The following CLTC variants were observed in gnomAD, a reference collection of about 807,000 sequenced individuals.
CLTC encodes the protein clathrin heavy chain 1.
In CLTC, 16 loss-of-function variants were observed where a neutral mutation model predicts 195.8. The observed-to-expected ratio is 0.08, with a 90% CI of 0.06 to 0.12. CLTC has a LOEUF of 0.12. CLTC is among the 10% of genes least tolerant of loss of function. The probability of loss-of-function intolerance (pLI) is 1.00; values close to 1 mark genes in which losing one functional copy is unlikely to be tolerated. For synonymous variants in CLTC, 667 were observed against 689.4 expected, an observed-to-expected ratio of 0.97 and a Z score of 0.51; for missense variants, 796 against 2,027.0, an observed-to-expected ratio of 0.39 and a Z score of 11.66.
In CLTC at chr17:59,676,914, T is replaced by C. The variant is rs143176440; in HGVS notation, c.2562-40T>C. ...CATGTCAAGAGTGTGTTATTTATAA[T>C]ACAGTATGTGTGTGTGAGGTTTTTT... On this transcript the variant is annotated intron_variant, in intron 16 of 31. Coordinates refer to ENST00000269122, the MANE Select transcript of CLTC (RefSeq NM_004859.4). The C allele has an allele frequency of 1.7e-4, 234 of 1,391,488 alleles. 1 individual carries two copies. In the African/African-American group the frequency reaches 2.0e-3, roughly 12 times the overall value. The allele number at this position is 1,391,488 out of a possible 1,614,324, so 86.2% of individuals were successfully genotyped here.
At chr17:59,629,463 T>C (rs553616072) in intron 1 of CLTC, among the ~76,000 whole-genome samples, 8 of 152,052 alleles carry the variant, frequency 5.3e-5, no homozygotes, top group Non-Finnish European at 8.8e-5. Context: ...TATAAGCAGA[T>C]GATTTAAATA....
At chr17:59,657,926 C>T (rs757715267) in intron 6 of CLTC, among the ~76,000 whole-genome samples, 3 of 151,176 alleles carry the variant, frequency 2.0e-5, no homozygotes, top group Non-Finnish European at 4.4e-5. Flanking sequence ...GGGCTGGGCA[C>T]AGTGTCTCAC....
intron 1 of CLTC, among the ~76,000 whole-genome samples, chr17:59,630,705 G>A (rs1269043652): frequency 6.6e-6 from 1 of 152,156 alleles, no homozygotes; most frequent in Non-Finnish European, 1.5e-5. Context: ...CTTTCACTAA[G>A]CATCCATGTT....
chr17:59,673,887 G>A (rs1031717122), intron 15 of CLTC, 115 bp downstream of exon 15: 12 of 621,808 alleles, frequency 1.9e-5, no homozygotes, highest in African/African-American at 1.1e-4. Flanking sequence ...AGCTTTTAAC[G>A]TGGGATTTTT....
At chr17:59,638,695 G>C (rs2031941937) in intron 1 of CLTC, among the ~76,000 whole-genome samples, 1 of 152,150 alleles carries the variant, frequency 6.6e-6, no homozygotes, top group African/African-American at 2.4e-5. Flanking sequence ...GTGCCTATGA[G>C]AATCTAATGC....
intron 9 of CLTC, 62 bp downstream of exon 9, chr17:59,664,056 C>A: frequency 7.2e-7 from 1 of 1,380,780 alleles, no homozygotes; most frequent in Non-Finnish European, 1.0e-6. Context: ...AGAAATTAGC[C>A]TGTATTAACT....
rs1390576192 is a variant in CLTC, at chr17:59,685,673, G to C, written c.4692G>C (p.Glu1564Asp). 4.3e-6 allele frequency: 7 copies of C among 1,614,132 alleles called. No homozygotes were observed. The highest frequency in any genetic ancestry group is 5.9e-6 in the Non-Finnish European group (7 of 1,179,986). The change falls in exon 30 of 32, where the codon GAG (glutamate) becomes GAC (aspartate). Residue 1564 changes from glutamate to aspartate, a missense_variant. By Grantham distance (45) the Glu-to-Asp change is conservative. Coordinates refer to ENST00000269122, the MANE Select transcript of CLTC (RefSeq NM_004859.4). This position sits in a 1 kb window ranked among gnomAD's most constrained non-coding sequence, Gnocchi z 5.0. Reference protein sequence around the residue: ...LQWFLQEEKRECFGACLFTCY... With the variant: ...LQWFLQEEKRDCFGACLFTCY... ...GGTTTTTGCAGGAAGAAAAAAGAGAGTGCTTTGGAGCTTGTCTGTTTACCT... is the reference window on the plus strand; with the variant it reads ...GGTTTTTGCAGGAAGAAAAAAGAGACTGCTTTGGAGCTTGTCTGTTTACCT...
At chr17:59,646,574 A>C (rs2032200630) in intron 2 of CLTC, among the ~76,000 whole-genome samples, 1 of 151,932 alleles carries the variant, frequency 6.6e-6, no homozygotes. Flanking sequence ...TAGCCTAGTG[A>C]TAGTTGTAGG....
At chr17:59,642,119 A>C (rs2032056082) in intron 1 of CLTC, among the ~76,000 whole-genome samples, 1 of 151,554 alleles carries the variant, frequency 6.6e-6, no homozygotes, top group African/African-American at 2.4e-5. Context: ...GGAATTGGAA[A>C]CACAGGTTTT....
chr17:59,634,994 T>G (rs556625091), intron 1 of CLTC, among the ~76,000 whole-genome samples: 15 of 152,338 alleles, frequency 9.8e-5, no homozygotes, highest in African/African-American at 3.6e-4. Context: ...ATACTTGGGT[T>G]AGGAAGTTAA....
intron 1 of CLTC, among the ~76,000 whole-genome samples, chr17:59,625,463 CCT>C (rs2031522298): frequency 1.3e-5 from 2 of 151,856 alleles, no homozygotes; most frequent in Admixed American, 6.6e-5. Flanking sequence ...CAATTCAGAC[CCT>C]ATTTTCTTTG....
chr17:59,665,302 T>C (rs1048026901), intron 10 of CLTC, among the ~76,000 whole-genome samples: 40 of 152,060 alleles, frequency 2.6e-4, no homozygotes, highest in African/African-American at 9.4e-4. Flanking sequence ...CTCAAATGCC[T>C]TGCAAAAAAA....
chr17:59,660,709 T>C, intron 7 of CLTC, 121 bp downstream of exon 7: 1 of 970,036 alleles, frequency 1.0e-6, no homozygotes, highest in South Asian at 1.5e-5. Context: ...TACATTTGGG[T>C]TACATTTTCC....
chr17:59,621,153 T>C (rs1048360811), intron 1 of CLTC, among the ~76,000 whole-genome samples: 1 of 152,188 alleles, frequency 6.6e-6, no homozygotes, highest in African/African-American at 2.4e-5. Flanking sequence ...AGGCAACATA[T>C]TGTTATCTGG....
At position 59,693,877 on chromosome 17, in the gene CLTC, C is replaced by T; in HGVS notation, c.*25C>T. On this transcript the variant is annotated 3_prime_UTR_variant, in exon 32 of 32. Coordinates refer to ENST00000269122, the MANE Select transcript of CLTC (RefSeq NM_004859.4). ...AGATGAAGCGCTGATCCTGTAGTCACCTATTTTCGTACTGAAACATCGTCT... is the reference window on the plus strand; with the variant it reads ...AGATGAAGCGCTGATCCTGTAGTCATCTATTTTCGTACTGAAACATCGTCT... 2 of 1,585,542 alleles carry T rather than the reference C, an allele frequency of 1.3e-6. No individual in the cohort carries two copies. Among genetic ancestry groups the T allele is most frequent in the South Asian group, 2.3e-5 (2 of 87,710 alleles).
chr17:59,673,115 G>C (rs1436559951), intron 14 of CLTC, among the ~76,000 whole-genome samples: 1 of 151,752 alleles, frequency 6.6e-6, no homozygotes, highest in East Asian at 1.9e-4. Context: ...TTTTTTGTAG[G>C]GGGTGGGTTT....
chr17:59,644,554 G>GTTT, intron 2 of CLTC, 71 bp downstream of exon 2: 1 of 1,299,136 alleles, frequency 7.7e-7, no homozygotes, highest in Non-Finnish European at 1.1e-6. Flanking sequence ...TTTTTTGTTT[G>GTTT]TTTGTTTGTT....
intron 4 of CLTC, among the ~76,000 whole-genome samples, chr17:59,649,070 G>T (rs1043737844): frequency 6.6e-6 from 1 of 152,272 alleles, no homozygotes; most frequent in East Asian, 1.9e-4. Flanking sequence ...CATTGGAATC[G>T]CCTGGACAGA....
At chr17:59,669,369 C>CA (rs2032797156) in intron 14 of CLTC, among the ~76,000 whole-genome samples, 1 of 152,158 alleles carries the variant, frequency 6.6e-6, no homozygotes, top group South Asian at 2.1e-4. Context: ...TTACCTCTTT[C>CA]ATCAAGTTTG....
Sources: gnomAD v4.1 joint callset for allele counts (sites outside exome capture counted in the v4.1 genomes callset) on GRCh38, gnomAD v4.1.1 for gene constraint, Gnocchi (gnomAD v3.1) non-coding constraint, MANE v1.5 for transcripts, NCBI Gene and HGNC (gene_info 2026-07-23, HGNC 2026-07-21) for gene names.